CCL17: variants seen among roughly 807,000 people sequenced by gnomAD.
The protein encoded by CCL17 is C-C motif chemokine 17.
Under a neutral mutation model 7.4 loss-of-function variants are expected in CCL17, and 8 were observed. The ratio of observed to expected loss-of-function variants is 1.09; its 90% confidence interval spans 0.64 to 1.96. The LOEUF is 1.96. Among genes scored for constraint, CCL17 ranks in the 30% most tolerant of loss-of-function variants. The pLI is 0.00. For missense variants in CCL17, 102 were observed against 113.0 expected (o/e 0.90, Z 0.44); for synonymous variants, 40 against 46.1 (o/e 0.87, Z 0.54).
intron 1 of CCL17, among the ~76,000 whole-genome samples, chr16:57,406,313 T>G (rs1902695251): frequency 6.6e-6 from 1 of 152,160 alleles, no homozygotes; most frequent in Admixed American, 6.5e-5. Flanking sequence ...ATTTTTTTTG[T>G]AGAGACAGAG....
At chr16:57,411,948 C>T (rs1230825261) in intron 1 of CCL17, among the ~76,000 whole-genome samples, 6 of 152,182 alleles carry the variant, frequency 3.9e-5, no homozygotes, top group African/African-American at 9.6e-5. Flanking sequence ...CTCCTCTGCA[C>T]GTGCAAATGG....
chr16:57,400,087 C>T (rs184333923), upstream of CCL17, among the ~76,000 whole-genome samples: 51 of 152,274 alleles, frequency 3.3e-4, no homozygotes, highest in South Asian at 6.2e-4. Context: ...TGGCAGGACG[C>T]GGTGGCTCAC....
upstream of CCL17, among the ~76,000 whole-genome samples, chr16:57,402,199 T>C (rs1440957288): frequency 2.6e-5 from 4 of 152,130 alleles, no homozygotes; most frequent in East Asian, 5.8e-4. Context: ...CCCTTCCCAA[T>C]ACCCTCAGCC....
At chr16:57,399,472 A>G in the CCL17 span, among the ~76,000 whole-genome samples, 5 of 151,874 alleles carry the variant, frequency 3.3e-5, no homozygotes, top group Non-Finnish European at 7.4e-5. Flanking sequence ...ATTTTTGGAG[A>G]AGGAATCTTG....
At chr16:57,403,653 T>A (rs527992088), upstream of CCL17, among the ~76,000 whole-genome samples, 232 of 88,046 alleles carry the variant, frequency 2.6e-3, 1 homozygote, top group South Asian at 9.0e-3. Flanking sequence ...ATATATATAA[T>A]ATATATATAT....
chr16:57,411,194 C>G (rs1162921899), intron 1 of CCL17, among the ~76,000 whole-genome samples: 1 of 152,196 alleles, frequency 6.6e-6, no homozygotes, highest in Non-Finnish European at 1.5e-5. Flanking sequence ...CCCCAAAGCC[C>G]TTTAATCTCA....
At chr16:57,400,038 G>A (rs1219096078), upstream of CCL17, among the ~76,000 whole-genome samples, 1 of 152,176 alleles carries the variant, frequency 6.6e-6, no homozygotes, top group East Asian at 1.9e-4. Flanking sequence ...AGTTTATACA[G>A]CAGAGAAGAA....
intron 1 of CCL17, among the ~76,000 whole-genome samples, chr16:57,408,898 C>G (rs1767117445): frequency 6.6e-6 from 1 of 152,036 alleles, no homozygotes; most frequent in Non-Finnish European, 1.5e-5. Context: ...TTTGTAGAGA[C>G]AGGGTTTCAC....
chr16:57,410,627 C>T (rs1325860378), intron 1 of CCL17, among the ~76,000 whole-genome samples: 1 of 152,218 alleles, frequency 6.6e-6, no homozygotes, highest in Non-Finnish European at 1.5e-5. Flanking sequence ...CAAGATGCTT[C>T]TCACAGGCCC....
chr16:57,403,583 A>AT, upstream of CCL17, among the ~76,000 whole-genome samples: 1 of 61,534 alleles, frequency 1.6e-5, no homozygotes, highest in African/African-American at 6.3e-5. Flanking sequence ...TATAATATAT[A>AT]TAATATATAT....
upstream of CCL17, among the ~76,000 whole-genome samples, chr16:57,402,203 C>G (rs910432393): frequency 1.2e-4 from 18 of 152,238 alleles, no homozygotes; most frequent in African/African-American, 4.1e-4. Context: ...TCCCAATACC[C>G]TCAGCCTCCC....
intron 1 of CCL17, among the ~76,000 whole-genome samples, chr16:57,407,945 T>C (rs1449867301): frequency 6.6e-6 from 1 of 151,310 alleles, no homozygotes; most frequent in African/African-American, 2.4e-5. Flanking sequence ...TCTCTCACCA[T>C]CCGTCCACAC....
chr16:57,415,253 C>A lies in CCL17; in HGVS notation c.188+55C>A. The A allele has an allele frequency of 8.5e-7, 1 of 1,170,548 alleles. No homozygotes were observed. The highest frequency in any genetic ancestry group is 1.3e-6 in the Non-Finnish European group (1 of 776,446). 72.5% of individuals were successfully genotyped at this position (1,170,548 alleles called of 1,614,324 possible). On this transcript the variant is annotated intron_variant, in intron 3 of 3. Coordinates refer to ENST00000219244, the MANE Select transcript of CCL17 (RefSeq NM_002987.3). The surrounding 1 kb of genome is among the most constrained non-coding windows in gnomAD (Gnocchi z 4.5). ...TCAGGGCCAAGCATGGGGACAAGTG[C>A]ACCCTGGAGCTCCCAGGACGGCCAA...
chr16:57,412,079 A>G (rs1902793189), intron 1 of CCL17, among the ~76,000 whole-genome samples: 1 of 152,206 alleles, frequency 6.6e-6, no homozygotes, highest in Non-Finnish European at 1.5e-5. Flanking sequence ...AAGCAGAGGA[A>G]TGTTGGTGCG....
At chr16:57,400,784 C>T (rs371361614), upstream of CCL17, among the ~76,000 whole-genome samples, 1 of 151,664 alleles carries the variant, frequency 6.6e-6, no homozygotes, top group Non-Finnish European at 1.5e-5. Context: ...GCCTGGCCAG[C>T]ATGGTGAAAC....
intron 1 of CCL17, among the ~76,000 whole-genome samples, chr16:57,406,675 G>T (rs1401681047): frequency 1.3e-5 from 2 of 152,174 alleles, no homozygotes; most frequent in Admixed American, 6.5e-5. Context: ...TCCCAGGGAT[G>T]ACAAGGCGAT....
At chr16:57,405,464 G>A (rs188993896) in intron 1 of CCL17, among the ~76,000 whole-genome samples, 1 of 152,302 alleles carries the variant, frequency 6.6e-6, no homozygotes, top group East Asian at 1.9e-4. Context: ...GGGGAGATGG[G>A]AAACAATGCT....
chr16:57,400,340 C>T (rs927174294), upstream of CCL17, among the ~76,000 whole-genome samples: 1 of 151,684 alleles, frequency 6.6e-6, no homozygotes, highest in Non-Finnish European at 1.5e-5. Flanking sequence ...GCCTGGGCAA[C>T]AGAGCGAGAC....
chr16:57,415,276 C>G lies in CCL17; in HGVS notation c.188+78C>G. ...TGCACCCTGGAGCTCCCAGGACGGC[C>G]AATGGGGAGCAGGGAAGAGACAGCG... On this transcript the variant is annotated intron_variant, in intron 3 of 3. Coordinates refer to ENST00000219244, the MANE Select transcript of CCL17 (RefSeq NM_002987.3). The surrounding 1 kb of genome is among the most constrained non-coding windows in gnomAD (Gnocchi z 4.5). 1 of 934,460 alleles carries G rather than the reference C, an allele frequency of 1.1e-6. No individual in the cohort carries two copies. 57.9% of individuals were successfully genotyped at this position (934,460 alleles called of 1,614,324 possible).
Sources: gnomAD v4.1 joint callset for allele counts (sites outside exome capture counted in the v4.1 genomes callset) on GRCh38, gnomAD v4.1.1 for gene constraint, Gnocchi (gnomAD v3.1) non-coding constraint, MANE v1.5 for transcripts, NCBI Gene and HGNC (gene_info 2026-07-23, HGNC 2026-07-21) for gene names.